The following PRKAR2A variants were observed in gnomAD, a reference collection of about 807,000 sequenced individuals.
PRKAR2A encodes the protein cAMP-dependent protein kinase type II-alpha regulatory subunit.
A neutral mutation model predicts 51.9 loss-of-function variants in PRKAR2A; 29 were observed. That is an observed-to-expected ratio of 0.56 (90% CI 0.42 to 0.76). The LOEUF is 0.76. Among genes scored for constraint, PRKAR2A ranks in the 30% least tolerant of loss-of-function variants. The probability of loss-of-function intolerance (pLI) is 0.00; values close to 1 mark genes in which losing one functional copy is unlikely to be tolerated. For synonymous variants in PRKAR2A, 178 were observed against 186.2 expected (o/e 0.96, Z 0.36); for missense variants, 445 against 512.1 (o/e 0.87, Z 1.26).
chr3:48,764,996 T>G lies in PRKAR2A; in HGVS notation c.873+8A>C. ...CCAGGAAAGGAGCTGCGTAAAGCCCTCACTCACCTGAGTGATTATGCGTTC... is the reference window on the plus strand; with the variant it reads ...CCAGGAAAGGAGCTGCGTAAAGCCCGCACTCACCTGAGTGATTATGCGTTC... On this transcript the variant is annotated splice_region_variant and intron_variant, in intron 8 of 10. Coordinates refer to ENST00000265563, the MANE Select transcript of PRKAR2A (RefSeq NM_004157.4). 4 of 1,612,614 alleles carry G rather than the reference T, an allele frequency of 2.5e-6. No individual in the cohort carries two copies. The highest frequency in any genetic ancestry group is 3.4e-6 in the Non-Finnish European group (4 of 1,178,616).
At chr3:48,769,157 CT>C (rs200382765) in intron 6 of PRKAR2A, among the ~76,000 whole-genome samples, 2 of 136,274 alleles carry the variant, frequency 1.5e-5, no homozygotes, top group African/African-American at 2.8e-5. Flanking sequence ...AAATATCTTT[CT>C]TTTTTTTTTT....
At chr3:48,768,181 T>C (rs2081968475) in intron 6 of PRKAR2A, among the ~76,000 whole-genome samples, 1 of 150,860 alleles carries the variant, frequency 6.6e-6, no homozygotes, top group South Asian at 2.1e-4. Context: ...GTGGTCCCAG[T>C]TACTGGGGAG....
At position 48,746,738 on chromosome 3, in the gene PRKAR2A, T is replaced by C. The variant is rs2081567002; in HGVS notation, c.*4847A>G. The C allele has an allele frequency of 6.6e-6, 1 of 152,202 alleles. No individual in the cohort carries two copies. The allele number at this position is 152,202 out of a possible 1,614,324, so 9.4% of individuals were successfully genotyped here. A position where few individuals can be genotyped will look rare whatever the true frequency, so the allele number is the denominator to read the frequency against. Reference sequence around the variant, plus strand: ...TTTAACACCACAGAGCAAGAATTGATCACGTTTCAATCACTTATTCTTCTG... The same window carrying C: ...TTTAACACCACAGAGCAAGAATTGACCACGTTTCAATCACTTATTCTTCTG... On this transcript the variant is annotated 3_prime_UTR_variant, in exon 11 of 11. Coordinates refer to ENST00000265563, the MANE Select transcript of PRKAR2A (RefSeq NM_004157.4).
chr3:48,745,072 A>G (rs143498533), downstream of PRKAR2A, among the ~76,000 whole-genome samples: 4 of 151,696 alleles, frequency 2.6e-5, no homozygotes, highest in African/African-American at 9.7e-5. Flanking sequence ...ACGGGGTTTC[A>G]CCATGTTGGC....
At chr3:48,819,699 A>AC (rs2082929900) in intron 1 of PRKAR2A, among the ~76,000 whole-genome samples, 1 of 152,054 alleles carries the variant, frequency 6.6e-6, no homozygotes, top group Non-Finnish European at 1.5e-5. Context: ...TGCTGCCCCT[A>AC]CCAGACAGAT....
chr3:48,751,770 C>A, intron 10 of PRKAR2A, 52 bp from the exon 11 acceptor site: 1 of 1,573,306 alleles, frequency 6.4e-7, no homozygotes. Context: ...CCATTTCCCT[C>A]ATGCAAACCT....
At position 48,829,631 on chromosome 3, in the gene PRKAR2A, C is replaced by T. The variant is rs375132373; in HGVS notation, c.262+17704G>A. ...ATGTGTGTGTGTATACGTGTGTATA[C>T]ACACACATAAATGTGTGTGTGTATA... On this transcript the variant is annotated intron_variant, in intron 1 of 10. Coordinates refer to ENST00000265563, the MANE Select transcript of PRKAR2A (RefSeq NM_004157.4). 4.2e-4 allele frequency among the ~76,000 whole-genome samples: 57 copies of T among 135,558 alleles called. 4 individuals are homozygous for T. The highest frequency in any genetic ancestry group is 1.4e-3 in the African/African-American group (50 of 35,578). The allele number at this position is 135,558 out of a possible 152,430, so 88.9% of individuals were successfully genotyped here.
chr3:48,771,951 T>C (rs1174738984), intron 6 of PRKAR2A, among the ~76,000 whole-genome samples: 2 of 152,186 alleles, frequency 1.3e-5, no homozygotes, highest in African/African-American at 4.8e-5. Flanking sequence ...GTTTTGTTTT[T>C]GAGATGGAGT....
intron 3 of PRKAR2A, among the ~76,000 whole-genome samples, chr3:48,793,394 T>C (rs545126967): frequency 2.0e-5 from 3 of 152,290 alleles, no homozygotes; most frequent in Admixed American, 1.3e-4. Context: ...AGGTAAATGC[T>C]AAATCAGTTG....
At chr3:48,843,663 G>A (rs2083414170) in intron 1 of PRKAR2A, among the ~76,000 whole-genome samples, 3 of 152,186 alleles carry the variant, frequency 2.0e-5, no homozygotes, top group Admixed American at 6.6e-5. Context: ...ACAGAACAGA[G>A]CCCTCAGAAA....
intron 1 of PRKAR2A, among the ~76,000 whole-genome samples, chr3:48,838,159 C>A (rs1397762387): frequency 6.6e-6 from 1 of 151,706 alleles, no homozygotes; most frequent in African/African-American, 2.4e-5. Context: ...GCCTGGGCGA[C>A]AGAGCAAGAC....
intron 8 of PRKAR2A, among the ~76,000 whole-genome samples, chr3:48,764,494 G>T (rs547578619): frequency 2.6e-5 from 4 of 152,098 alleles, no homozygotes; most frequent in Non-Finnish European, 5.9e-5. Context: ...AAGGAAAGGT[G>T]AGAGGAAGCA....
chr3:48,784,853 T>TA lies in PRKAR2A; in HGVS notation c.436-1762dup, dbSNP rs529318584. Among the ~76,000 whole-genome samples the TA allele has an allele frequency of 6.6e-5, 10 of 152,296 alleles. No individual in the cohort carries two copies. The South Asian group carries it at 1.9e-3, about 28-fold the overall frequency. ...AGGTTTCATTATAGGTTGTTTTGCTTAAAGTTGCAGTTTCCAAGACTACCA... is the reference window on the plus strand; with the variant it reads ...AGGTTTCATTATAGGTTGTTTTGCTTAAAAGTTGCAGTTTCCAAGACTACCA... On this transcript the variant is annotated intron_variant, in intron 4 of 10. Transcript: ENST00000265563.
At chr3:48,758,246 A>G (rs2081804310) in intron 8 of PRKAR2A, among the ~76,000 whole-genome samples, 2 of 150,048 alleles carry the variant, frequency 1.3e-5, no homozygotes, top group Admixed American at 6.7e-5. Flanking sequence ...CAAAAGAGTC[A>G]GACTCCATCT....
At chr3:48,787,719 T>C (rs902163476) in intron 4 of PRKAR2A, among the ~76,000 whole-genome samples, 1 of 152,226 alleles carries the variant, frequency 6.6e-6, no homozygotes, top group Admixed American at 6.6e-5. Flanking sequence ...ATGGTCCTTG[T>C]CTCATTCAGT....
At chr3:48,817,186 G>T (rs998328475) in intron 1 of PRKAR2A, among the ~76,000 whole-genome samples, 1 of 151,926 alleles carries the variant, frequency 6.6e-6, no homozygotes, top group African/African-American at 2.4e-5. Context: ...AATTAGTTGG[G>T]CATGGTGGCA....
intron 1 of PRKAR2A, among the ~76,000 whole-genome samples, chr3:48,812,991 AAAGAT>A (rs1416789171): frequency 2.6e-5 from 4 of 152,322 alleles, no homozygotes; most frequent in African/African-American, 7.2e-5. Flanking sequence ...ACAAAGAACT[AAAGAT>A]AAGAGGCAAA....
intron 1 of PRKAR2A, among the ~76,000 whole-genome samples, chr3:48,813,696 AAAAAC>A (rs201402882): frequency 0.017 from 2,531 of 151,994 alleles, 48 homozygotes; most frequent in African/African-American, 0.044. Flanking sequence ...TCCATCTCAA[AAAAAC>A]AAAACAAAAC....
intron 8 of PRKAR2A, among the ~76,000 whole-genome samples, chr3:48,762,442 G>T (rs2081877477): frequency 2.0e-5 from 3 of 152,126 alleles, no homozygotes; most frequent in Admixed American, 1.3e-4. Context: ...TGGCCAACAT[G>T]GTGAAATCCC....
Sources: gnomAD v4.1 joint callset for allele counts (sites outside exome capture counted in the v4.1 genomes callset) on GRCh38, gnomAD v4.1.1 for gene constraint, MANE v1.5 for transcripts, NCBI Gene and HGNC (gene_info 2026-07-23, HGNC 2026-07-21) for gene names.